Variants in PRKCH observed in about 807,000 individuals in gnomAD.
The protein encoded by PRKCH is protein kinase C eta type.
PRKCH carries 28 observed loss-of-function variants against 82.5 expected under a neutral mutation model. The ratio of observed to expected loss-of-function variants is 0.34; its 90% CI spans 0.25 to 0.47. The LOEUF (loss-of-function observed/expected upper bound fraction) is 0.47. Among genes scored for constraint, PRKCH ranks in the 20% least tolerant of loss-of-function variants. The pLI, the probability that PRKCH is intolerant of heterozygous loss-of-function variation, is 1.00. For missense variants in PRKCH, 705 were observed against 881.8 expected, an observed-to-expected ratio of 0.80 and a Z score of 2.54; for synonymous variants, 322 against 327.4, an observed-to-expected ratio of 0.98 and a Z score of 0.18.
At chr14:61,209,383 C>G (rs1014539455) in intron 1 of PRKCH, among the ~76,000 whole-genome samples, 1 of 146,150 alleles carries the variant, frequency 6.8e-6, no homozygotes, top group Non-Finnish European at 1.5e-5. Context: ...CTCAACTATA[C>G]TGGCACCAAG....
chr14:61,253,371 A>G (rs2044963825), intron 1 of PRKCH, among the ~76,000 whole-genome samples: 1 of 152,230 alleles, frequency 6.6e-6, no homozygotes, highest in African/African-American at 2.4e-5. Flanking sequence ...GGACTTCAAG[A>G]CTGAGTTTTC....
intron 10 of PRKCH, among the ~76,000 whole-genome samples, chr14:61,502,872 G>A (rs747640657): frequency 4.6e-5 from 7 of 152,064 alleles, no homozygotes; most frequent in South Asian, 2.1e-4. Flanking sequence ...AAATGGGGCC[G>A]AGCAGCAGAG....
intron 1 of PRKCH, among the ~76,000 whole-genome samples, chr14:61,342,169 G>A (rs182130142): frequency 2.0e-5 from 3 of 152,090 alleles, no homozygotes; most frequent in Admixed American, 6.5e-5. Context: ...TTCTGAACAG[G>A]AGTGCCAAAC....
Position 61,332,827 on chromosome 14 carries a change from C to G in PRKCH, c.363+10363C>G, listed in dbSNP as rs568192640. 9.2e-5 allele frequency among the ~76,000 whole-genome samples: 14 copies of G among 152,216 alleles called. 1 individual carries two copies. The highest frequency in any genetic ancestry group is 8.3e-4 in the South Asian group (4 of 4,814). On this transcript the variant is annotated intron_variant, in intron 1 of 13. Transcript: ENST00000332981. ...CTCTGTCTCTCCACCTCTCGTGTCG[C>G]AAGCCCTTAAATATGATACACTCTT...
chr14:61,484,375 A>G (rs1886115116), intron 9 of PRKCH, among the ~76,000 whole-genome samples: 1 of 135,670 alleles, frequency 7.4e-6, no homozygotes, highest in Admixed American at 8.9e-5. Flanking sequence ...TCTACTCTCT[A>G]TGGGATCCCG....
intron 1 of PRKCH, among the ~76,000 whole-genome samples, chr14:61,294,221 C>T (rs554808220): frequency 9.2e-5 from 14 of 151,898 alleles, no homozygotes; most frequent in African/African-American, 1.9e-4. Flanking sequence ...CCTGGGTTCA[C>T]GCCATTCTCC....
intron 1 of PRKCH, among the ~76,000 whole-genome samples, chr14:61,380,998 G>A (rs1217101611): frequency 6.6e-6 from 1 of 152,190 alleles, no homozygotes; most frequent in African/African-American, 2.4e-5. Flanking sequence ...GCTGGGAGGG[G>A]AGAAATATTG....
intron 1 of PRKCH, among the ~76,000 whole-genome samples, chr14:61,273,455 A>G (rs1168278008): frequency 6.6e-6 from 1 of 152,242 alleles, no homozygotes; most frequent in African/African-American, 2.4e-5. Flanking sequence ...ACATTTTATT[A>G]TAGAATATTA....
At chr14:61,413,406 C>A (rs367915817) in intron 2 of PRKCH, among the ~76,000 whole-genome samples, 3,865 of 31,894 alleles carry the variant, frequency 0.12, 284 homozygotes, top group African/African-American at 0.23. Context: ...TTTAAGCGCC[C>A]CCCCCCCGCC....
At chr14:61,474,192 C>T (rs2181985) in intron 9 of PRKCH, among the ~76,000 whole-genome samples, 101,878 of 151,928 alleles carry the variant, frequency 0.67, 34,718 homozygotes, top group Middle Eastern at 0.76. Context: ...CTATTGGATA[C>T]GGCATGAGGT....
At chr14:61,489,033 A>C (rs771760245) in intron 10 of PRKCH, among the ~76,000 whole-genome samples, 34 of 152,238 alleles carry the variant, frequency 2.2e-4, no homozygotes, top group Admixed American at 6.5e-5. Flanking sequence ...AATTCCATTC[A>C]GTATACAGGC....
intron 2 of PRKCH, among the ~76,000 whole-genome samples, chr14:61,392,007 A>G (rs2046690149): frequency 6.6e-6 from 1 of 152,198 alleles, no homozygotes; most frequent in Admixed American, 6.5e-5. Flanking sequence ...ATGGAATTAT[A>G]CAGTATATTC....
chr14:61,193,142 A>G (rs1303737247), intron 1 of PRKCH, among the ~76,000 whole-genome samples: 1 of 152,242 alleles, frequency 6.6e-6, no homozygotes, highest in Non-Finnish European at 1.5e-5. Context: ...AGAAGTAATT[A>G]TGGACATCTG....
chr14:61,270,348 G>A (rs145873582), intron 1 of PRKCH, among the ~76,000 whole-genome samples: 244 of 152,252 alleles, frequency 1.6e-3, no homozygotes, highest in African/African-American at 5.5e-3. Flanking sequence ...GAGATGTCAT[G>A]GCTTTGGTGC....
At chr14:61,298,187 T>G (rs984477330) in intron 1 of PRKCH, 1 of 152,458 alleles carries the variant, frequency 6.6e-6, no homozygotes, top group Non-Finnish European at 1.5e-5. Context: ...ACAACTCCCC[T>G]GAGCAGTCTC....
chr14:61,515,290 C>T (rs978417858), intron 10 of PRKCH, among the ~76,000 whole-genome samples: 1 of 152,248 alleles, frequency 6.6e-6, no homozygotes, highest in East Asian at 1.9e-4. Context: ...TTGAAATTCT[C>T]CAGAATGGAA....
intron 2 of PRKCH, among the ~76,000 whole-genome samples, chr14:61,418,879 C>T (rs1251737471): frequency 2.6e-5 from 4 of 152,186 alleles, no homozygotes; most frequent in African/African-American, 9.7e-5. Flanking sequence ...CTAAAAGAAG[C>T]AATATATTTA....
chr14:61,413,419 GC>G (rs1594678827), intron 2 of PRKCH, among the ~76,000 whole-genome samples: 2 of 49,774 alleles, frequency 4.0e-5, no homozygotes, highest in East Asian at 1.4e-3. Flanking sequence ...CCCCCGCCCC[GC>G]CCATGTACCC....
At chr14:61,428,038 T>TAGATAGATAG (rs767974892) in intron 2 of PRKCH, among the ~76,000 whole-genome samples, 2 of 29,954 alleles carry the variant, frequency 6.7e-5, no homozygotes, top group Non-Finnish European at 8.4e-5. Context: ...CACAAATATA[T>TAGATAGATAG]ATATATAGAT....
Sources: allele counts gnomAD v4.1 joint callset (sites outside exome capture counted in the v4.1 genomes callset), GRCh38; gene constraint gnomAD v4.1.1; transcripts MANE v1.5; gene names NCBI Gene and HGNC (gene_info 2026-07-23, HGNC 2026-07-21).